The following GNG12 variants were observed in gnomAD, a reference collection of about 807,000 sequenced individuals.
GNG12 encodes G protein subunit gamma 12.
For synonymous variants in GNG12, 28 were observed against 29.7 expected (o/e 0.94, Z 0.19); for missense variants, 69 against 83.8 (o/e 0.82, Z 0.69).
chr1:67,769,566 C>G (rs2100751751), intron 2 of GNG12, among the ~76,000 whole-genome samples: 1 of 152,244 alleles, frequency 6.6e-6, no homozygotes, highest in Non-Finnish European at 1.5e-5. Context: ...ATGTTAGGGT[C>G]ATGAGCATGA....
chr1:67,821,982 TC>T (rs1240735196), intron 1 of GNG12, among the ~76,000 whole-genome samples: 1 of 149,836 alleles, frequency 6.7e-6, no homozygotes, highest in Non-Finnish European at 1.5e-5. Flanking sequence ...GGGTGTCCAA[TC>T]TTTTGGCTTC....
chr1:67,741,328 T>G (rs1187117096), intron 2 of GNG12, among the ~76,000 whole-genome samples: 1 of 152,252 alleles, frequency 6.6e-6, no homozygotes, highest in Admixed American at 6.5e-5. Context: ...CGCCTTCTTG[T>G]GTAAGGTCAC....
intron 1 of GNG12, among the ~76,000 whole-genome samples, chr1:67,790,603 T>A (rs977644116): frequency 1.5e-5 from 2 of 134,418 alleles, no homozygotes; most frequent in Admixed American, 9.1e-5. Context: ...TAGGCCATAG[T>A]TTATTCCTTT....
intron 2 of GNG12, among the ~76,000 whole-genome samples, chr1:67,737,635 A>G (rs1460091328): frequency 6.6e-6 from 1 of 151,588 alleles, no homozygotes; most frequent in African/African-American, 2.4e-5. Flanking sequence ...ATGTATAAGC[A>G]CTAGCTTTTC....
Position 67,747,427 on chromosome 1 carries a change from AATC to A in GNG12, c.-27+30028_-27+30030del, listed in dbSNP as rs1252178893. Reference sequence around the variant, plus strand: ...GAGCCACCGCGCCTAGCCCATAAAAAATCTATTGAGTGTTCGATGGCCCAAGAC... The same window carrying A: ...GAGCCACCGCGCCTAGCCCATAAAAATATTGAGTGTTCGATGGCCCAAGAC... On this transcript the variant is annotated intron_variant, in intron 2 of 3. Coordinates refer to ENST00000370982, the MANE Select transcript of GNG12 (RefSeq NM_018841.6). 2.6e-5 allele frequency among the ~76,000 whole-genome samples: 4 copies of A among 152,278 alleles called. No homozygotes were observed. In the East Asian group the frequency reaches 7.7e-4, roughly 29 times the overall value.
chr1:67,776,017 T>C (rs1646703288), intron 2 of GNG12, among the ~76,000 whole-genome samples: 1 of 151,990 alleles, frequency 6.6e-6, no homozygotes, highest in Non-Finnish European at 1.5e-5. Context: ...TAGGCTGGTG[T>C]AGGGGATGGC....
intron 2 of GNG12, among the ~76,000 whole-genome samples, chr1:67,746,200 T>A (rs1646506470): frequency 6.6e-6 from 1 of 152,186 alleles, no homozygotes; most frequent in African/African-American, 2.4e-5. Flanking sequence ...GTCCACAGAC[T>A]TTCTAAAGCT....
intron 1 of GNG12, among the ~76,000 whole-genome samples, chr1:67,814,087 GA>G (rs1646940693): frequency 6.6e-6 from 1 of 152,058 alleles, no homozygotes; most frequent in African/African-American, 2.4e-5. Context: ...AATACTACAT[GA>G]GCCCCCTTTT....
At position 67,709,095 on chromosome 1, in the gene GNG12, T is replaced by C. The variant is rs78624956; in HGVS notation, c.-26-1383A>G. 4.9e-3 allele frequency among the ~76,000 whole-genome samples: 744 copies of C among 152,334 alleles called. 5 individuals carry two copies. The highest frequency in any genetic ancestry group is 7.3e-3 in the Non-Finnish European group (494 of 68,028). On this transcript the variant is annotated intron_variant, in intron 2 of 3. Transcript: ENST00000370982. ...TGGTCAGAGGAAGTTTTGGGTCAAA[T>C]GCACAAATAAAATTGTGCTTTTAAC...
chr1:67,801,781 G>A lies in GNG12; in HGVS notation c.-76-24274C>T, dbSNP rs144512168. On this transcript the variant is annotated intron_variant, in intron 1 of 3. Transcript: ENST00000370982. ...CTTTCCTGTATGATTATTACGTTCC[G>A]TATCTGCAGAATGGGATGATAATAA... is the stretch of plus-strand genomic sequence containing the variant. Among the ~76,000 whole-genome samples, 72 of 152,212 alleles carry A rather than the reference G, an allele frequency of 4.7e-4. 4 individuals are homozygous for A. The highest frequency in any genetic ancestry group is 3.9e-4 in the East Asian group (2 of 5,176).
At chr1:67,752,510 A>G (rs960515426) in intron 2 of GNG12, among the ~76,000 whole-genome samples, 8 of 152,196 alleles carry the variant, frequency 5.3e-5, no homozygotes, top group Non-Finnish European at 7.3e-5. Context: ...GACATGTGGC[A>G]TGGAGGTTGC....
intron 1 of GNG12, among the ~76,000 whole-genome samples, chr1:67,808,650 C>T (rs534821822): frequency 6.6e-6 from 1 of 152,066 alleles, no homozygotes; most frequent in Non-Finnish European, 1.5e-5. Flanking sequence ...TTCCTATAGA[C>T]CAGTCATGAA....
Position 67,777,469 on chromosome 1 carries a change from T to G in GNG12, c.-38A>C. 1.1e-6 allele frequency: 1 copy of G among 924,436 alleles called. No homozygotes were observed. 57.3% of individuals were successfully genotyped at this position (924,436 alleles called of 1,614,324 possible). On this transcript the variant is annotated 5_prime_UTR_variant, in exon 2 of 4. Coordinates refer to ENST00000370982, the MANE Select transcript of GNG12 (RefSeq NM_018841.6). Reference sequence around the variant, plus strand: ...AATGAAGAACTTACCAGTAAGACTTTGTGTGGTCCAATGTTTTCAGGTTTT... The same window carrying G: ...AATGAAGAACTTACCAGTAAGACTTGGTGTGGTCCAATGTTTTCAGGTTTT...
chr1:67,766,842 G>A (rs1020026379), intron 2 of GNG12, among the ~76,000 whole-genome samples: 13 of 152,104 alleles, frequency 8.5e-5, no homozygotes, highest in African/African-American at 2.7e-4. Flanking sequence ...GTTCCTCGCT[G>A]GGCCTCGCTT....
intron 1 of GNG12, among the ~76,000 whole-genome samples, chr1:67,797,942 C>A (rs1319602173): frequency 2.6e-5 from 4 of 152,184 alleles, no homozygotes; most frequent in African/African-American, 9.7e-5. Flanking sequence ...GGTCTTGAAA[C>A]CAGCCTCTTT....
chr1:67,743,892 T>A (rs535514966), intron 2 of GNG12, among the ~76,000 whole-genome samples: 1 of 152,332 alleles, frequency 6.6e-6, no homozygotes, highest in Non-Finnish European at 1.5e-5. Context: ...TCTGGAAATA[T>A]ATCACAATAG....
At chr1:67,747,180 T>TGCG (rs1193150067) in intron 2 of GNG12, among the ~76,000 whole-genome samples, 1 of 152,218 alleles carries the variant, frequency 6.6e-6, no homozygotes, top group African/African-American at 2.4e-5. Context: ...AGTGCAATGG[T>TGCG]GCGGTCTCAG....
intron 1 of GNG12, among the ~76,000 whole-genome samples, chr1:67,778,090 G>C (rs2100764294): frequency 6.7e-6 from 1 of 148,326 alleles, no homozygotes; most frequent in South Asian, 2.1e-4. Flanking sequence ...ATATAATTAT[G>C]TATATTATAT....
rs572370688 is a variant in GNG12 at position 67,783,835 on chromosome 1, T to G, written c.-76-6328A>C. Among the ~76,000 whole-genome samples the G allele has an allele frequency of 2.9e-3, 439 of 151,546 alleles. 2 individuals are homozygous for G. The highest frequency in any genetic ancestry group is 0.02 in the South Asian group (95 of 4,772). ...GAAACAACAGGTGCTGGAGAGGATG[T>G]GGAGAAACAGGAACACTTTTACACT... On this transcript the variant is annotated intron_variant, in intron 1 of 3. Coordinates refer to ENST00000370982, the MANE Select transcript of GNG12 (RefSeq NM_018841.6).
Sources: gnomAD v4.1 joint callset for allele counts (sites outside exome capture counted in the v4.1 genomes callset) on GRCh38, gnomAD v4.1.1 for gene constraint, MANE v1.5 for transcripts, NCBI Gene and HGNC (gene_info 2026-07-23, HGNC 2026-07-21) for gene names.